FMNL2: variants seen among roughly 807,000 people sequenced by gnomAD.
FMNL2 encodes formin like 2, also known as formin-like protein 2.
FMNL2 carries 51 observed loss-of-function variants against 130.2 expected under a neutral mutation model. That is an observed-to-expected ratio of 0.39 (90% CI 0.31 to 0.49). The LOEUF is 0.49. Ranked by LOEUF, FMNL2 falls within the 20% of genes least tolerant of loss-of-function variation. FMNL2 has a pLI of 0.85. For synonymous variants in FMNL2, 465 were observed against 467.1 expected, an observed-to-expected ratio of 1.00 and a Z score of 0.06; for missense variants, 977 against 1,316.2, an observed-to-expected ratio of 0.74 and a Z score of 3.99.
chr2:152,440,661 G>C (rs1286016545), intron 1 of FMNL2, among the ~76,000 whole-genome samples: 1 of 152,200 alleles, frequency 6.6e-6, no homozygotes, highest in East Asian at 1.9e-4. Flanking sequence ...AAACAAAGAA[G>C]AGTAAGTTGT....
chr2:152,436,545 A>G (rs1687776396), intron 1 of FMNL2, among the ~76,000 whole-genome samples: 1 of 152,152 alleles, frequency 6.6e-6, no homozygotes, highest in Non-Finnish European at 1.5e-5. Context: ...CTCAGCATAG[A>G]TGTTCTTGGC....
intron 1 of FMNL2, among the ~76,000 whole-genome samples, chr2:152,459,014 A>G (rs1689100084): frequency 1.3e-5 from 2 of 152,226 alleles, no homozygotes; most frequent in South Asian, 2.1e-4. Flanking sequence ...CCCAGAGTGG[A>G]CATGGTAAGA....
intron 2 of FMNL2, among the ~76,000 whole-genome samples, chr2:152,530,498 T>A (rs1693628690): frequency 6.6e-6 from 1 of 152,146 alleles, no homozygotes; most frequent in South Asian, 2.1e-4. Context: ...AAAACCACCA[T>A]ACAATTGTAG....
intron 3 of FMNL2, among the ~76,000 whole-genome samples, chr2:152,545,460 A>G (rs1468401755): frequency 6.6e-6 from 1 of 152,166 alleles, no homozygotes; most frequent in Admixed American, 6.5e-5. Flanking sequence ...ATTTTCTTCT[A>G]AATAGTTTTA....
At chr2:152,444,882 GC>G (rs1558868785) in intron 1 of FMNL2, among the ~76,000 whole-genome samples, 4 of 152,146 alleles carry the variant, frequency 2.6e-5, no homozygotes, top group Non-Finnish European at 1.5e-5. Context: ...CAGTAATTGC[GC>G]CCACTTAGTT....
intron 6 of FMNL2, among the ~76,000 whole-genome samples, chr2:152,571,157 C>T (rs1696149736): frequency 6.6e-6 from 1 of 150,800 alleles, no homozygotes; most frequent in Non-Finnish European, 1.5e-5. Context: ...GTCTTCAAAG[C>T]ACCTCTGCCT....
intron 10 of FMNL2, among the ~76,000 whole-genome samples, chr2:152,609,289 T>A (rs1698557965): frequency 6.6e-6 from 1 of 152,212 alleles, no homozygotes; most frequent in Non-Finnish European, 1.5e-5. Context: ...CTCTTAGGCA[T>A]ATCATAAAAC....
intron 1 of FMNL2, among the ~76,000 whole-genome samples, chr2:152,429,670 C>A (rs1687394127): frequency 6.6e-6 from 1 of 151,016 alleles, no homozygotes; most frequent in African/African-American, 2.4e-5. Context: ...AATTTGTCTT[C>A]AATTTTGGGG....
At chr2:152,541,436 A>G (rs952445784) in intron 2 of FMNL2, among the ~76,000 whole-genome samples, 2 of 152,160 alleles carry the variant, frequency 1.3e-5, no homozygotes, top group South Asian at 2.1e-4. Flanking sequence ...TTTTTGTGAG[A>G]AATATAGCAT....
At chr2:152,642,172 C>A (rs1683147518) in intron 25 of FMNL2, among the ~76,000 whole-genome samples, 1 of 152,138 alleles carries the variant, frequency 6.6e-6, no homozygotes, top group South Asian at 2.1e-4. Flanking sequence ...GATCTCCTGA[C>A]CTCGTGATCT....
At chr2:152,473,018 A>T (rs567287407) in intron 1 of FMNL2, among the ~76,000 whole-genome samples, 9 of 152,240 alleles carry the variant, frequency 5.9e-5, no homozygotes, top group Non-Finnish European at 1.3e-4. Flanking sequence ...ACCTTGAATT[A>T]CAGTGATACA....
At chr2:152,481,409 C>A (rs1690513625) in intron 1 of FMNL2, among the ~76,000 whole-genome samples, 1 of 152,196 alleles carries the variant, frequency 6.6e-6, no homozygotes, top group African/African-American at 2.4e-5. Context: ...CGATATAGCA[C>A]TTTCAACAGC....
At chr2:152,353,720 A>C (rs554741585) in intron 1 of FMNL2, among the ~76,000 whole-genome samples, 3 of 152,336 alleles carry the variant, frequency 2.0e-5, no homozygotes, top group African/African-American at 7.2e-5. Flanking sequence ...AAGTTGTGGC[A>C]GTCAGGTAAG....
At chr2:152,373,790 G>A (rs1684019520) in intron 1 of FMNL2, among the ~76,000 whole-genome samples, 1 of 151,960 alleles carries the variant, frequency 6.6e-6, no homozygotes, top group Non-Finnish European at 1.5e-5. Context: ...GATACAGAAG[G>A]CTGACTGTAT....
chr2:152,460,571 C>A (rs557831537), intron 1 of FMNL2, among the ~76,000 whole-genome samples: 1 of 152,212 alleles, frequency 6.6e-6, no homozygotes, highest in Non-Finnish European at 1.5e-5. Context: ...GGTCCCCAAC[C>A]CCCGGGCCAC....
chr2:152,467,854 C>T (rs946489085), intron 1 of FMNL2, among the ~76,000 whole-genome samples: 2 of 152,174 alleles, frequency 1.3e-5, no homozygotes, highest in African/African-American at 4.8e-5. Context: ...CTGTGCTAAG[C>T]TATGTGTGTT....
intron 1 of FMNL2, among the ~76,000 whole-genome samples, chr2:152,391,379 A>T (rs1558821843): frequency 6.6e-6 from 1 of 152,224 alleles, no homozygotes; most frequent in Non-Finnish European, 1.5e-5. Context: ...TGGTGAAGGA[A>T]CTGAGTAAGT....
intron 1 of FMNL2, among the ~76,000 whole-genome samples, chr2:152,421,803 A>G (rs1384709900): frequency 1.3e-5 from 2 of 152,142 alleles, no homozygotes; most frequent in Non-Finnish European, 2.9e-5. Flanking sequence ...TGTAGAGAAA[A>G]GGTTTGGTTC....
intron 4 of FMNL2, among the ~76,000 whole-genome samples, chr2:152,557,334 C>T (rs536040976): frequency 3.9e-5 from 6 of 152,218 alleles, no homozygotes; most frequent in Middle Eastern, 3.4e-3. Context: ...TCTTTGCCAC[C>T]GTTGCCACTC....
Sources: allele counts gnomAD v4.1 joint callset (sites outside exome capture counted in the v4.1 genomes callset), GRCh38; gene constraint gnomAD v4.1.1; transcripts MANE v1.5; gene names NCBI Gene and HGNC (gene_info 2026-07-23, HGNC 2026-07-21).